RASSF3: variants seen among roughly 807,000 people sequenced by gnomAD.
RASSF3 encodes the protein ras association domain-containing protein 3.
Under a neutral mutation model 19.9 loss-of-function variants are expected in RASSF3, and 19 were observed. The ratio of observed to expected loss-of-function variants is 0.96; its 90% CI spans 0.67 to 1.40. The LOEUF (loss-of-function observed/expected upper bound fraction) is 1.40. Among genes scored for constraint, RASSF3 ranks in the 40% most tolerant of loss-of-function variants. RASSF3 has a pLI of 0.00. For synonymous variants in RASSF3, 110 were observed against 104.2 expected (o/e 1.06, Z -0.34); for missense variants, 306 against 289.8 (o/e 1.06, Z -0.41).
At chr12:64,680,304 ATCT>A (rs1295776707) in intron 1 of RASSF3, among the ~76,000 whole-genome samples, 1 of 152,016 alleles carries the variant, frequency 6.6e-6, no homozygotes, top group Non-Finnish European at 1.5e-5. Context: ...CTGAGCTTAT[ATCT>A]TCTTTGCTAT....
At chr12:64,665,748 G>A (rs1872523434) in intron 1 of RASSF3, among the ~76,000 whole-genome samples, 1 of 152,218 alleles carries the variant, frequency 6.6e-6, no homozygotes, top group Non-Finnish European at 1.5e-5. Context: ...TTGAGCTGCT[G>A]TTATGGAGCA....
intron 2 of RASSF3, among the ~76,000 whole-genome samples, chr12:64,572,627 G>A (rs556428313): frequency 1.3e-5 from 2 of 152,124 alleles, no homozygotes; most frequent in African/African-American, 2.4e-5. Context: ...CACAGAGCTC[G>A]GCATATGATA....
intron 1 of RASSF3, among the ~76,000 whole-genome samples, chr12:64,618,524 A>T (rs919216798): frequency 2.0e-5 from 3 of 151,922 alleles, no homozygotes; most frequent in Non-Finnish European, 2.9e-5. Flanking sequence ...AGACGGGGTT[A>T]TACCATGTTG....
At chr12:64,659,302 T>C (rs930441958) in intron 1 of RASSF3, among the ~76,000 whole-genome samples, 3 of 152,164 alleles carry the variant, frequency 2.0e-5, no homozygotes, top group African/African-American at 4.8e-5. Context: ...GTTTGAGATA[T>C]AAAGTAATTT....
At chr12:64,529,149 C>A (rs1868653137), upstream of RASSF3, among the ~76,000 whole-genome samples, 1 of 152,158 alleles carries the variant, frequency 6.6e-6, no homozygotes, top group South Asian at 2.1e-4. Context: ...AGATATGAAA[C>A]TTGTTAAACA....
At chr12:64,559,240 T>TTCTTTC (rs1334257702) in intron 2 of RASSF3, among the ~76,000 whole-genome samples, 10 of 148,512 alleles carry the variant, frequency 6.7e-5, no homozygotes, top group Non-Finnish European at 6.0e-5. Context: ...CTTTTCTTCT[T>TTCTTTC]TTTTTCTTTT....
In RASSF3 at chr12:64,675,053, C is replaced by G. The variant is rs201698224; in HGVS notation, c.112-9734C>G. Among the ~76,000 whole-genome samples, 14 of 117,104 alleles carry G rather than the reference C, an allele frequency of 1.2e-4. 1 individual carries two copies. The highest frequency in any genetic ancestry group is 2.2e-4 in the African/African-American group (7 of 31,116). The allele number at this position is 117,104 out of a possible 152,430, so 76.8% of individuals were successfully genotyped here. Reference sequence around the variant, plus strand: ...TCTAAAATACCCACCTAGCCCCCCCCCCCCCCGCCACCCCGGCTTCTTGCT... The same window carrying G: ...TCTAAAATACCCACCTAGCCCCCCCGCCCCCCGCCACCCCGGCTTCTTGCT... On this transcript the variant is annotated intron_variant, in intron 1 of 4. Coordinates refer to ENST00000542104, the MANE Select transcript of RASSF3 (RefSeq NM_178169.4).
At chr12:64,636,764 G>A (rs11175482) in intron 1 of RASSF3, among the ~76,000 whole-genome samples, 26,791 of 151,610 alleles carry the variant, frequency 0.18, 2,457 homozygotes, top group African/African-American at 0.23. Context: ...CACTTGGGAG[G>A]GTGAGGCAGG....
chr12:64,612,401 G>T (rs1259872914), intron 1 of RASSF3, among the ~76,000 whole-genome samples: 1 of 151,512 alleles, frequency 6.6e-6, no homozygotes, highest in Non-Finnish European at 1.5e-5. Flanking sequence ...ATTCAGGTTT[G>T]AATTGTATGA....
intron 2 of RASSF3, among the ~76,000 whole-genome samples, chr12:64,547,590 GGGAA>G (rs199852258): frequency 0.017 from 2,608 of 151,740 alleles, 24 homozygotes; most frequent in Non-Finnish European, 0.027. Flanking sequence ...GAAAAAAGAA[GGGAA>G]GGAAGGACGG....
chr12:64,683,751 A>G lies in RASSF3; in HGVS notation c.112-1036A>G, dbSNP rs565351674. Among the ~76,000 whole-genome samples the G allele has an allele frequency of 2.0e-5, 3 of 152,368 alleles. No homozygotes were observed. In the East Asian group the frequency reaches 5.8e-4, roughly 29 times the overall value. ...TCTTTAAATGTTGTTTAAAATAGAA[A>G]TGGCCAATCTAGCAGGCATGCTGAG... On this transcript the variant is annotated intron_variant, in intron 1 of 4. Transcript: ENST00000542104.
downstream of RASSF3, among the ~76,000 whole-genome samples, chr12:64,546,365 G>C (rs535911015): frequency 6.6e-6 from 1 of 152,156 alleles, no homozygotes; most frequent in South Asian, 2.1e-4. Context: ...CCGCCTCCCG[G>C]GTTCATGCCA....
At chr12:64,555,757 A>T (rs1342470103) in intron 2 of RASSF3, among the ~76,000 whole-genome samples, 1 of 152,046 alleles carries the variant, frequency 6.6e-6, no homozygotes, top group Admixed American at 6.5e-5. Flanking sequence ...TCAAAAAAAA[A>T]AAAAGCCTCT....
chr12:64,682,289 G>C (rs1873156148), intron 1 of RASSF3, among the ~76,000 whole-genome samples: 1 of 152,198 alleles, frequency 6.6e-6, no homozygotes, highest in Non-Finnish European at 1.5e-5. Context: ...TAGGCCGGGC[G>C]CCACGAGATA....
chr12:64,667,649 GAAGA>G (rs577908327), intron 1 of RASSF3, among the ~76,000 whole-genome samples: 1 of 152,324 alleles, frequency 6.6e-6, no homozygotes, highest in South Asian at 2.1e-4. Context: ...AATCAGCTGA[GAAGA>G]AAGACAGGAG....
chr12:64,670,134 G>A (rs1425608083), intron 1 of RASSF3, among the ~76,000 whole-genome samples: 1 of 151,750 alleles, frequency 6.6e-6, no homozygotes, highest in Non-Finnish European at 1.5e-5. Context: ...GCTTCCACGT[G>A]TCATCTCTGT....
intron 1 of RASSF3, among the ~76,000 whole-genome samples, chr12:64,522,244 A>T (rs958680219): frequency 1.1e-4 from 16 of 151,632 alleles, no homozygotes; most frequent in African/African-American, 3.9e-4. Context: ...AAAACTATTC[A>T]TTGCTTTCTT....
intron 2 of RASSF3, among the ~76,000 whole-genome samples, chr12:64,590,681 C>T (rs1592410580): frequency 6.6e-6 from 1 of 152,230 alleles, no homozygotes; most frequent in South Asian, 2.1e-4. Flanking sequence ...CCTCTGTGGT[C>T]TGTATATGAT....
intron 2 of RASSF3, among the ~76,000 whole-genome samples, chr12:64,591,323 A>C (rs1869918565): frequency 6.6e-6 from 1 of 152,260 alleles, no homozygotes; most frequent in East Asian, 1.9e-4. Context: ...AAAAATACAA[A>C]AAATTAGCCA....
Sources: gnomAD v4.1 joint callset for allele counts (sites outside exome capture counted in the v4.1 genomes callset) on GRCh38, gnomAD v4.1.1 for gene constraint, MANE v1.5 for transcripts, NCBI Gene and HGNC (gene_info 2026-07-23, HGNC 2026-07-21) for gene names.